SYNJ2: variants seen among roughly 807,000 people sequenced by gnomAD.
SYNJ2 encodes the protein polyphosphatidylinositol phosphatase SYNJ2.
Under a neutral mutation model 141.3 loss-of-function variants are expected in SYNJ2, and 116 were observed. The ratio of observed to expected loss-of-function variants is 0.82; its 90% confidence interval spans 0.71 to 0.96. SYNJ2 has a LOEUF of 0.96. SYNJ2 is among the 40% of genes least tolerant of loss of function. The pLI, the probability that SYNJ2 is intolerant of heterozygous loss-of-function variation, is 0.00. For synonymous variants in SYNJ2, 745 were observed against 777.7 expected (o/e 0.96, Z 0.70); for missense variants, 1,873 against 1,934.8 (o/e 0.97, Z 0.60).
At chr6:158,058,383 A>G (rs1324399592) in intron 6 of SYNJ2, among the ~76,000 whole-genome samples, 1 of 152,280 alleles carries the variant, frequency 6.6e-6, no homozygotes, top group Non-Finnish European at 1.5e-5. Context: ...GTGATCAAGA[A>G]TAAATATTGG....
In SYNJ2 at chr6:158,071,233, C is replaced by T. The variant is rs1317671414; in HGVS notation, c.1941-369C>T. Among the ~76,000 whole-genome samples, 1 of 152,122 alleles carries T rather than the reference C, an allele frequency of 6.6e-6. No homozygotes were observed. On this transcript the variant is annotated intron_variant, in intron 14 of 26. Coordinates refer to ENST00000355585, the MANE Select transcript of SYNJ2 (RefSeq NM_003898.4). This position sits in a 1 kb window ranked among gnomAD's most constrained non-coding sequence, Gnocchi z 4.3. ...GTGTTGATTGCCCAGATGACACCTC[C>T]CATGCATGGCGTGATGGCTGCACAG...
chr6:158,079,190 C>T (rs984921121), intron 18 of SYNJ2: 1 of 152,092 alleles, frequency 6.6e-6, no homozygotes, highest in Non-Finnish European at 1.5e-5. Context: ...CACCTGTGCC[C>T]TGGGATTGCT....
chr6:157,998,688 C>T (rs1296699005), intron 1 of SYNJ2, among the ~76,000 whole-genome samples: 2 of 152,112 alleles, frequency 1.3e-5, no homozygotes, highest in Non-Finnish European at 2.9e-5. Context: ...CACAGTGTTA[C>T]GGCATGGAAA....
At chr6:158,072,987 C>T (rs1034043696) in intron 15 of SYNJ2, among the ~76,000 whole-genome samples, 8 of 150,010 alleles carry the variant, frequency 5.3e-5, no homozygotes, top group African/African-American at 1.5e-4. Flanking sequence ...ACAGGAGAAT[C>T]GCAACCCAGG....
intron 5 of SYNJ2, among the ~76,000 whole-genome samples, chr6:158,044,742 C>T (rs534255123): frequency 4.6e-5 from 7 of 152,286 alleles, no homozygotes; most frequent in Non-Finnish European, 7.4e-5. Flanking sequence ...ACTTTGTCCC[C>T]GTTAGTGGTC....
In SYNJ2 at chr6:158,053,426, A is replaced by G. The variant is rs144800497; in HGVS notation, c.796-1541A>G. ...AATTATTTACTATGACAGTTGTAAA[A>G]TGATGATTTTTAAATGATTTCCTCC... On this transcript the variant is annotated intron_variant, in intron 5 of 26. Transcript: ENST00000355585. Among the ~76,000 whole-genome samples the G allele has an allele frequency of 1.8e-4, 27 of 152,322 alleles. No homozygotes were observed. In the East Asian group the frequency reaches 5.0e-3, roughly 28 times the overall value.
intron 5 of SYNJ2, among the ~76,000 whole-genome samples, chr6:158,051,718 G>T (rs573582825): frequency 2.4e-4 from 36 of 151,876 alleles, no homozygotes; most frequent in Admixed American, 2.0e-3. Context: ...AGGCCGAGGT[G>T]GGTGGATCAC....
In SYNJ2 at chr6:157,982,378, G is replaced by T. The variant is rs964583233; in HGVS notation, c.127+290G>T. The stretch of plus-strand genomic sequence containing the variant: ...TGGATAGCCGGCTGGGGCGCTTTGC[G>T]TATTCATGAGGATCCCGGGGTGTTG... On this transcript the variant is annotated intron_variant, in intron 1 of 26. Transcript: ENST00000355585. The surrounding 1 kb of genome is among the most constrained non-coding windows in gnomAD (Gnocchi z 4.0). 6.6e-6 allele frequency among the ~76,000 whole-genome samples: 1 copy of T among 152,330 alleles called. No homozygotes were observed. Among genetic ancestry groups the T allele is most frequent in the East Asian group, 1.9e-4 (1 of 5,180 alleles).
chr6:157,984,828 C>CG (rs1466655777), intron 1 of SYNJ2, among the ~76,000 whole-genome samples: 8 of 152,170 alleles, frequency 5.3e-5, no homozygotes, highest in African/African-American at 1.9e-4. Context: ...AGTTCCGAGT[C>CG]GGGGGTAGCT....
In SYNJ2 at chr6:158,083,556, A is replaced by G; in HGVS notation, c.2993A>G (p.Glu998Gly). Residue 998 changes from glutamate (E) to glycine (G), a missense_variant, in exon 21 of 27, where the codon GAG becomes GGG. Transcript: ENST00000355585. ...VSPTANSCLL[E>G]ENFDFTSLDY... ...CCCACTGCCAACTCCTGTTTGCTGG[A>G]GGAAAACTTTGACTTCACAAGTTTG... The G allele has an allele frequency of 6.2e-7, 1 of 1,614,166 alleles. No individual in the cohort carries two copies. Among genetic ancestry groups the G allele is most frequent in the Non-Finnish European group, 8.5e-7 (1 of 1,180,032 alleles).
At chr6:158,066,416 A>AAATG (rs1475467413) in intron 11 of SYNJ2, 28 bp from the exon 12 acceptor site, 1 of 1,613,138 alleles carries the variant, frequency 6.2e-7, no homozygotes, top group Non-Finnish European at 8.5e-7. Flanking sequence ...AACTGCAAAG[A>AAATG]AATGTGCCTT....
Position 158,071,876 on chromosome 6 carries a change from G to T in SYNJ2, c.2133+82G>T. 1 of 1,486,162 alleles carries T rather than the reference G, an allele frequency of 6.7e-7. No individual in the cohort carries two copies. Among genetic ancestry groups the T allele is most frequent in the African/African-American group, 1.4e-5 (1 of 72,214 alleles). 92.1% of individuals were successfully genotyped at this position (1,486,162 alleles called of 1,614,324 possible). A position where few individuals can be genotyped will look rare whatever the true frequency, so the allele number is the denominator to read the frequency against. Reference sequence around the variant, plus strand: ...GACTGTTGATAGGAGCCAGGCACTGGGGACACAACCACAGGGAGGGCCCCT... The same window carrying T: ...GACTGTTGATAGGAGCCAGGCACTGTGGACACAACCACAGGGAGGGCCCCT... On this transcript the variant is annotated intron_variant, in intron 15 of 26. Transcript: ENST00000355585. The surrounding 1 kb of genome is among the most constrained non-coding windows in gnomAD (Gnocchi z 4.3).
intron 13 of SYNJ2, 145 bp from the exon 14 acceptor site, chr6:158,069,388 G>A (rs922446228): frequency 1.9e-6 from 2 of 1,052,338 alleles, no homozygotes; most frequent in African/African-American, 3.2e-5. Context: ...AGTAGAAGAA[G>A]GAAAGCATGA....
chr6:158,015,257 G>T (rs1286328361), intron 1 of SYNJ2, among the ~76,000 whole-genome samples: 1 of 152,132 alleles, frequency 6.6e-6, no homozygotes, highest in Non-Finnish European at 1.5e-5. Context: ...CTTAGTTCCT[G>T]GTTGAAATTC....
chr6:158,062,526 C>T (rs896503632), intron 8 of SYNJ2, among the ~76,000 whole-genome samples: 6 of 152,062 alleles, frequency 3.9e-5, no homozygotes, highest in African/African-American at 1.4e-4. Context: ...TGACGCAGGC[C>T]TGTGAGAGTG....
Position 158,029,284 on chromosome 6 carries a change from C to T in SYNJ2, c.485+258C>T. ...GAAACCTGCGCCAGGCATGGTGCCTCATGCCTGTAATCCCAGCACTTTGGG... is the reference window on the plus strand; with the variant it reads ...GAAACCTGCGCCAGGCATGGTGCCTTATGCCTGTAATCCCAGCACTTTGGG... On this transcript the variant is annotated intron_variant, in intron 3 of 26. Transcript: ENST00000355585. 1.1e-5 allele frequency: 4 copies of T among 372,230 alleles called. No individual in the cohort carries two copies. In the Middle Eastern group the frequency reaches 3.1e-3, roughly 289 times the overall value. The allele number at this position is 372,230 out of a possible 1,614,324, so 23.1% of individuals were successfully genotyped here.
chr6:158,022,908 A>G (rs1430535014), intron 2 of SYNJ2, among the ~76,000 whole-genome samples: 1 of 151,404 alleles, frequency 6.6e-6, no homozygotes, highest in African/African-American at 2.4e-5. Context: ...GGAGTCAGCG[A>G]CCCCCCACAG....
chr6:158,066,692 A>G, intron 12 of SYNJ2, 57 bp downstream of exon 12: 1 of 1,575,360 alleles, frequency 6.3e-7, no homozygotes. Context: ...CTGACATGTC[A>G]CGCTTGACCC....
chr6:158,029,264 C>T, intron 3 of SYNJ2: 1 of 452,782 alleles, frequency 2.2e-6, no homozygotes, highest in Non-Finnish European at 3.9e-6. Flanking sequence ...GAAAAGAAAC[C>T]TGCGCCAGGC....
Sources: allele counts gnomAD v4.1 joint callset (sites outside exome capture counted in the v4.1 genomes callset), GRCh38; gene constraint gnomAD v4.1.1; non-coding constraint Gnocchi (gnomAD v3.1); transcripts MANE v1.5; gene names NCBI Gene and HGNC (gene_info 2026-07-23, HGNC 2026-07-21).